The following RFX4 variants were observed in gnomAD, a reference collection of about 807,000 sequenced individuals.
RFX4 encodes the protein transcription factor RFX4.
Under a neutral mutation model 95.0 loss-of-function variants are expected in RFX4, and 10 were observed. The observed-to-expected ratio is 0.11, with a 90% confidence interval of 0.06 to 0.18. RFX4 has a LOEUF of 0.18. RFX4 is among the 10% of genes least tolerant of loss of function. The pLI, the probability that RFX4 is intolerant of heterozygous loss-of-function variation, is 1.00. For synonymous variants in RFX4, 321 were observed against 340.7 expected (o/e 0.94, Z 0.64); for missense variants, 640 against 922.0 (o/e 0.69, Z 3.96).
At chr12:106,650,536 C>A in intron 3 of RFX4, among the ~76,000 whole-genome samples, 1 of 152,156 alleles carries the variant, frequency 6.6e-6, no homozygotes. Context: ...AGTTCGAGAC[C>A]AGCCTGGCCA....
At chr12:106,620,252 G>A (rs2040155539) in intron 2 of RFX4, among the ~76,000 whole-genome samples, 1 of 152,030 alleles carries the variant, frequency 6.6e-6, no homozygotes, top group Non-Finnish European at 1.5e-5. Context: ...CAACAATATT[G>A]GGGGAACGCA....
chr12:106,721,041 G>A (rs1020877196), intron 13 of RFX4, among the ~76,000 whole-genome samples, 165 bp downstream of exon 13: 7 of 152,148 alleles, frequency 4.6e-5, no homozygotes, highest in African/African-American at 1.7e-4. Flanking sequence ...GGAGAGAGAT[G>A]GCATTACATG....
At chr12:106,752,422 G>T (rs1457168224) in intron 17 of RFX4, among the ~76,000 whole-genome samples, 1 of 151,978 alleles carries the variant, frequency 6.6e-6, no homozygotes, top group Non-Finnish European at 1.5e-5. Flanking sequence ...TGCTCCATTT[G>T]CTCTCACACA....
chr12:106,734,550 C>T (rs1338255570), intron 15 of RFX4, among the ~76,000 whole-genome samples: 1 of 151,278 alleles, frequency 6.6e-6, no homozygotes, highest in Non-Finnish European at 1.5e-5. Context: ...GAGCCAAGAT[C>T]GCTCCACTGC....
In RFX4 at chr12:106,624,403, C is replaced by T. The variant is rs138854223; in HGVS notation, c.131-14929C>T. Among the ~76,000 whole-genome samples the T allele has an allele frequency of 1.4e-3, 214 of 152,320 alleles. 1 individual carries two copies. Among genetic ancestry groups the T allele is most frequent in the African/African-American group, 5.1e-3 (211 of 41,572 alleles). On this transcript the variant is annotated intron_variant, in intron 2 of 17. Transcript: ENST00000392842. ...GCAGTGTCGCGATCTTGGCTCACTG[C>T]AACCTCTGCCTCCCAGGTTCAAGCA...
At chr12:106,661,382 T>C (rs1203937907) in intron 4 of RFX4, among the ~76,000 whole-genome samples, 1 of 152,234 alleles carries the variant, frequency 6.6e-6, no homozygotes, top group African/African-American at 2.4e-5. Context: ...TGTTTGTGCA[T>C]TTAAAACTTT....
intron 8 of RFX4, among the ~76,000 whole-genome samples, chr12:106,706,597 G>C (rs1316285866): frequency 6.6e-6 from 1 of 152,190 alleles, no homozygotes; most frequent in Admixed American, 6.5e-5. Flanking sequence ...AATTAATCAA[G>C]TCTTTAGAAG....
chr12:106,747,451 T>C lies in RFX4; in HGVS notation c.1648T>C (p.Tyr550His). ...GLSTTGAMQS[Y>H]TWSLTYTVTT... ...TGTCTCTGCAGGAGCAATGCAGTCT[T>C]ACACGTGGTCTCTAACATACACAGT... The change falls in exon 16 of 18, where the codon TAC (tyrosine) becomes CAC (histidine). Residue 550 changes from tyrosine to histidine, a missense_variant. Physicochemically the swap from Tyr to His is moderately conservative, Grantham distance 83. This residue lies in a region of RFX4 where 300 missense variants were observed against 346.8 expected (regional missense o/e 0.87). Transcript: ENST00000392842. The C allele has an allele frequency of 6.2e-7, 1 of 1,614,160 alleles. No individual in the cohort carries two copies. The highest frequency in any genetic ancestry group is 2.2e-5 in the East Asian group (1 of 44,874).
In RFX4 at chr12:106,637,661, A is replaced by G. The variant is rs530790625; in HGVS notation, c.131-1671A>G. On this transcript the variant is annotated intron_variant, in intron 2 of 17. Coordinates refer to ENST00000392842, the MANE Select transcript of RFX4 (RefSeq NM_213594.3). ...AATTTTATGTTGACTGTTCCTATCA[A>G]TAATCTTTATTAGGAATTGGATAAG... Among the ~76,000 whole-genome samples, 3 of 148,558 alleles carry G rather than the reference A, an allele frequency of 2.0e-5. No homozygotes were observed. The South Asian group carries it at 6.4e-4, about 32-fold the overall frequency.
intron 2 of RFX4, 91 bp from the exon 3 acceptor site, chr12:106,639,239 CAT>C (rs1369226006): frequency 9.6e-7 from 1 of 1,037,066 alleles, no homozygotes; most frequent in African/African-American, 1.6e-5. Flanking sequence ...TTCAAAGAAA[CAT>C]AGTCTTTTGA....
At chr12:106,645,007 CCTT>C (rs1332021698) in intron 3 of RFX4, among the ~76,000 whole-genome samples, 3 of 152,072 alleles carry the variant, frequency 2.0e-5, no homozygotes, top group African/African-American at 7.2e-5. Flanking sequence ...ATTTGCTTCT[CCTT>C]CTTCCCCTTC....
At chr12:106,686,832 T>A (rs1775072688) in intron 5 of RFX4, 52 bp from the exon 6 acceptor site, 2 of 1,506,634 alleles carry the variant, frequency 1.3e-6, no homozygotes. Context: ...TGCATGTGGG[T>A]CTCTCTCTTT....
chr12:106,605,683 G>A (rs1461475109), intron 1 of RFX4, among the ~76,000 whole-genome samples: 2 of 152,152 alleles, frequency 1.3e-5, no homozygotes, highest in African/African-American at 4.8e-5. Context: ...CAAAGAAATG[G>A]GAACAATTTC....
intron 4 of RFX4, among the ~76,000 whole-genome samples, chr12:106,654,679 G>A (rs1050873879): frequency 6.6e-6 from 1 of 152,178 alleles, no homozygotes; most frequent in Admixed American, 6.5e-5. Context: ...AACCTGCTTG[G>A]CTTAGTCATG....
chr12:106,734,916 G>C (rs11113096), intron 15 of RFX4, among the ~76,000 whole-genome samples: 14,697 of 151,810 alleles, frequency 0.097, 808 homozygotes, highest in East Asian at 0.26. Flanking sequence ...TTTTAAAAAA[G>C]TTAGCTGGGC....
intron 8 of RFX4, among the ~76,000 whole-genome samples, chr12:106,700,872 T>C (rs2041977009): frequency 6.6e-6 from 1 of 152,232 alleles, no homozygotes; most frequent in East Asian, 1.9e-4. Context: ...TAAAACATTA[T>C]AACTATTTTT....
chr12:106,708,073 G>A (rs561030196), intron 8 of RFX4, among the ~76,000 whole-genome samples: 1 of 152,352 alleles, frequency 6.6e-6, no homozygotes, highest in Non-Finnish European at 1.5e-5. Context: ...GCCGGAGGTT[G>A]CAGTGAGCTG....
At chr12:106,731,992 G>A in intron 13 of RFX4, 138 bp from the exon 14 acceptor site, 1 of 1,225,812 alleles carries the variant, frequency 8.2e-7, no homozygotes, top group Non-Finnish European at 1.1e-6. Flanking sequence ...ATGACCATGA[G>A]GAGATCATAA....
chr12:106,758,509 A>T (rs2043149904), intron 17 of RFX4, among the ~76,000 whole-genome samples: 1 of 152,106 alleles, frequency 6.6e-6, no homozygotes, highest in Non-Finnish European at 1.5e-5. Flanking sequence ...CTAGGCAAAA[A>T]AGCCACACTC....
Sources: allele counts gnomAD v4.1 joint callset (sites outside exome capture counted in the v4.1 genomes callset), GRCh38; gene constraint gnomAD v4.1.1; regional missense constraint gnomAD v4.1.1; transcripts MANE v1.5; gene names NCBI Gene and HGNC (gene_info 2026-07-23, HGNC 2026-07-21).